ADAM12: variants seen among roughly 807,000 people sequenced by gnomAD.
The protein encoded by ADAM12 is disintegrin and metalloproteinase domain-containing protein 12.
In ADAM12, 70 loss-of-function variants were observed where a neutral mutation model predicts 106.4. The ratio of observed to expected loss-of-function variants is 0.66; its 90% CI spans 0.54 to 0.80. The LOEUF (loss-of-function observed/expected upper bound fraction) is 0.80, where lower values mean the gene tolerates loss of function less well. Ranked by LOEUF, ADAM12 falls within the 30% of genes least tolerant of loss-of-function variation. ADAM12 has a pLI of 0.00. For missense variants in ADAM12, 1,010 were observed against 1,171.9 expected (o/e 0.86, Z 2.02); for synonymous variants, 420 against 433.5 (o/e 0.97, Z 0.39).
chr10:126,228,669 G>A (rs1217625257), intron 3 of ADAM12, among the ~76,000 whole-genome samples: 1 of 151,982 alleles, frequency 6.6e-6, no homozygotes, highest in East Asian at 1.9e-4. Context: ...GCACATTTTT[G>A]TCCTTCCTCC....
chr10:126,161,572 G>C (rs184720802), intron 3 of ADAM12, among the ~76,000 whole-genome samples: 1 of 152,348 alleles, frequency 6.6e-6, no homozygotes, highest in African/African-American at 2.4e-5. Flanking sequence ...TGAGGAGCAT[G>C]CGGCAGGCAC....
chr10:126,106,945 A>G (rs539735407), intron 8 of ADAM12, among the ~76,000 whole-genome samples: 1 of 152,256 alleles, frequency 6.6e-6, no homozygotes, highest in Non-Finnish European at 1.5e-5. Context: ...GAATAACATC[A>G]AGATGGCTTC....
chr10:126,208,879 C>T (rs531963395), intron 3 of ADAM12, among the ~76,000 whole-genome samples: 3 of 151,262 alleles, frequency 2.0e-5, no homozygotes, highest in Admixed American at 1.3e-4. Context: ...CTGTTACCAC[C>T]CACATCTTTC....
intron 11 of ADAM12, among the ~76,000 whole-genome samples, chr10:126,076,410 T>C (rs7894310): frequency 0.18 from 27,203 of 152,194 alleles, 2,863 homozygotes; most frequent in South Asian, 0.28. Context: ...TAGAATGAGT[T>C]ATTTTCTTTT....
chr10:126,293,958 A>G (rs1187743602), intron 2 of ADAM12, among the ~76,000 whole-genome samples: 1 of 152,168 alleles, frequency 6.6e-6, no homozygotes, highest in Non-Finnish European at 1.5e-5. Context: ...ATTTCTGTTT[A>G]CTCACAAACA....
intron 3 of ADAM12, among the ~76,000 whole-genome samples, chr10:126,210,505 G>T (rs1957880432): frequency 6.6e-6 from 1 of 152,206 alleles, no homozygotes; most frequent in Non-Finnish European, 1.5e-5. Context: ...TGGAACAAGT[G>T]GGGTAGGGGC....
At chr10:126,304,157 TCA>T (rs1462768423) in intron 2 of ADAM12, among the ~76,000 whole-genome samples, 1 of 152,008 alleles carries the variant, frequency 6.6e-6, no homozygotes, top group Non-Finnish European at 1.5e-5. Context: ...AGGCCGTGCC[TCA>T]CACAAACACC....
chr10:126,067,412 G>A (rs927333958), intron 12 of ADAM12, among the ~76,000 whole-genome samples: 1 of 152,204 alleles, frequency 6.6e-6, no homozygotes, highest in Non-Finnish European at 1.5e-5. Flanking sequence ...GCAAGTGGCC[G>A]GCAGGAGGCC....
intron 2 of ADAM12, among the ~76,000 whole-genome samples, chr10:126,283,938 C>T (rs545803034): frequency 1.3e-4 from 20 of 152,302 alleles, no homozygotes; most frequent in African/African-American, 4.8e-4. Flanking sequence ...ACATTTAAGT[C>T]CCATCCAGAC....
chr10:126,266,217 G>A (rs1959093940), intron 3 of ADAM12, among the ~76,000 whole-genome samples: 1 of 152,188 alleles, frequency 6.6e-6, no homozygotes, highest in African/African-American at 2.4e-5. Flanking sequence ...TCCACCCACA[G>A]CACACAGGTG....
At chr10:126,081,023 A>G (rs1206753041) in intron 11 of ADAM12, among the ~76,000 whole-genome samples, 2 of 152,202 alleles carry the variant, frequency 1.3e-5, no homozygotes, top group African/African-American at 2.4e-5. Context: ...CTCTCTGGGT[A>G]TGATTCGGAG....
At chr10:126,022,637 T>G (rs1953789706) in intron 21 of ADAM12, among the ~76,000 whole-genome samples, 1 of 152,258 alleles carries the variant, frequency 6.6e-6, no homozygotes, top group Non-Finnish European at 1.5e-5. Context: ...CTTTTCATTC[T>G]GCCTTTGCAA....
chr10:126,236,280 G>A (rs1017137976), intron 3 of ADAM12, among the ~76,000 whole-genome samples: 4 of 152,178 alleles, frequency 2.6e-5, no homozygotes, highest in African/African-American at 7.2e-5. Context: ...GGAAGGCTGG[G>A]GCAGACCCTG....
intron 2 of ADAM12, among the ~76,000 whole-genome samples, chr10:126,280,771 T>C (rs1264406405): frequency 6.6e-6 from 1 of 152,198 alleles, no homozygotes; most frequent in Non-Finnish European, 1.5e-5. Flanking sequence ...TTTCCAGATA[T>C]ATGAAATTCT....
At chr10:126,134,284 G>T (rs886900278) in intron 5 of ADAM12, among the ~76,000 whole-genome samples, 2 of 152,196 alleles carry the variant, frequency 1.3e-5, no homozygotes, top group Non-Finnish European at 2.9e-5. Flanking sequence ...TCAATGATTT[G>T]GGTCTGTGTC....
At chr10:126,116,766 T>C (rs1018674928) in intron 6 of ADAM12, among the ~76,000 whole-genome samples, 6 of 152,166 alleles carry the variant, frequency 3.9e-5, no homozygotes, top group African/African-American at 1.4e-4. Flanking sequence ...AAATTAGAGT[T>C]AAAAGTCCTG....
intron 1 of ADAM12, among the ~76,000 whole-genome samples, chr10:126,360,355 C>A (rs1855700613): frequency 6.6e-6 from 1 of 152,152 alleles, no homozygotes; most frequent in Non-Finnish European, 1.5e-5. Context: ...TGTCAGTCTG[C>A]AAATTTTCCA....
chr10:126,387,965 C>A, intron 1 of ADAM12, 93 bp downstream of exon 1: 1 of 1,171,656 alleles, frequency 8.5e-7, no homozygotes, highest in Non-Finnish European at 1.1e-6. Context: ...GCGCGTCGCC[C>A]CTCGGGGCAG....
intron 2 of ADAM12, among the ~76,000 whole-genome samples, chr10:126,304,374 G>A (rs886671461): frequency 6.6e-6 from 1 of 151,738 alleles, no homozygotes; most frequent in Admixed American, 6.6e-5. Context: ...AGATGGAAAA[G>A]TAGAAAATAA....
Sources: allele counts gnomAD v4.1 joint callset (sites outside exome capture counted in the v4.1 genomes callset), GRCh38; gene constraint gnomAD v4.1.1; transcripts MANE v1.5; gene names NCBI Gene and HGNC (gene_info 2026-07-23, HGNC 2026-07-21).